GFRA1: variants seen among roughly 807,000 people sequenced by gnomAD.
The protein encoded by GFRA1 is GDNF family receptor alpha 1, also known as GDNF family receptor alpha-1.
A neutral mutation model predicts 51.6 loss-of-function variants in GFRA1; 16 were observed. The observed-to-expected ratio is 0.31, with a 90% CI of 0.21 to 0.47. GFRA1 has a LOEUF of 0.47. Among genes scored for constraint, GFRA1 ranks in the 20% least tolerant of loss-of-function variants. The pLI is 1.00. For synonymous variants in GFRA1, 270 were observed against 241.3 expected, an observed-to-expected ratio of 1.12 and a Z score of -1.10; for missense variants, 530 against 594.3, an observed-to-expected ratio of 0.89 and a Z score of 1.13.
chr10:116,108,181 T>C (rs1336944748), intron 6 of GFRA1, among the ~76,000 whole-genome samples: 1 of 152,196 alleles, frequency 6.6e-6, no homozygotes, highest in Non-Finnish European at 1.5e-5. Flanking sequence ...GCTTGCAGAC[T>C]TCCTAAGGAA....
At chr10:116,147,631 C>A (rs2134120839) in intron 5 of GFRA1, among the ~76,000 whole-genome samples, 1 of 152,306 alleles carries the variant, frequency 6.6e-6, no homozygotes, top group South Asian at 2.1e-4. Flanking sequence ...CTGCCATCCT[C>A]ACACAGAGCA....
chr10:116,064,326 T>C lies in GFRA1; in HGVS notation c.*72A>G, dbSNP rs1954989397. ...AGCTCCTAAACTGGAATTTCAGCTATACAAGAGAACAGGAAACAGATAACT... is the reference window on the plus strand; with the variant it reads ...AGCTCCTAAACTGGAATTTCAGCTACACAAGAGAACAGGAAACAGATAACT... On this transcript the variant is annotated 3_prime_UTR_variant, in exon 11 of 11. Transcript: ENST00000355422. 3 of 1,350,202 alleles carry C rather than the reference T, an allele frequency of 2.2e-6. No individual in the cohort carries two copies. The highest frequency in any genetic ancestry group is 2.4e-5 in the South Asian group (2 of 83,344). The allele number at this position is 1,350,202 out of a possible 1,614,324, so 83.6% of individuals were successfully genotyped here. A position where few individuals can be genotyped will look rare whatever the true frequency, so the allele number is the denominator to read the frequency against.
chr10:116,149,123 T>C (rs1396286147), intron 5 of GFRA1, among the ~76,000 whole-genome samples: 2 of 152,184 alleles, frequency 1.3e-5, no homozygotes, highest in Admixed American at 6.5e-5. Flanking sequence ...GCTTCCAGGA[T>C]GCTCCTGGAA....
chr10:116,249,549 T>C (rs1441311379), intron 4 of GFRA1, among the ~76,000 whole-genome samples: 1 of 152,142 alleles, frequency 6.6e-6, no homozygotes, highest in Non-Finnish European at 1.5e-5. Context: ...CTGTCCTTCA[T>C]GAAAGAAAGA....
At chr10:116,093,173 T>C (rs754305379) in intron 8 of GFRA1, among the ~76,000 whole-genome samples, 2 of 152,156 alleles carry the variant, frequency 1.3e-5, no homozygotes, top group African/African-American at 4.8e-5. Context: ...CCCTCAAGAA[T>C]TGTTGCTTCT....
intron 4 of GFRA1, among the ~76,000 whole-genome samples, chr10:116,250,402 C>A (rs979925641): frequency 6.6e-6 from 1 of 152,152 alleles, no homozygotes; most frequent in African/African-American, 2.4e-5. Flanking sequence ...TGTTATCCAT[C>A]CATCAAGTAA....
intron 5 of GFRA1, among the ~76,000 whole-genome samples, chr10:116,144,239 G>A (rs1249962302): frequency 6.6e-6 from 1 of 152,022 alleles, no homozygotes; most frequent in Non-Finnish European, 1.5e-5. Context: ...AAAAGCACAG[G>A]ATAACACAAT....
chr10:116,206,004 G>A (rs916309750), intron 5 of GFRA1, among the ~76,000 whole-genome samples: 1 of 148,548 alleles, frequency 6.7e-6, no homozygotes, highest in Admixed American at 6.7e-5. Flanking sequence ...TGGTAATGTT[G>A]TTCTGTTTGT....
At chr10:116,068,975 A>G (rs3781504) in intron 9 of GFRA1, among the ~76,000 whole-genome samples, 40,267 of 152,064 alleles carry the variant, frequency 0.26, 6,473 homozygotes, top group African/African-American at 0.46. Flanking sequence ...ATTAGAAACT[A>G]GAAAAGCACC....
At chr10:116,245,435 C>G (rs1165906003) in intron 4 of GFRA1, among the ~76,000 whole-genome samples, 1 of 152,200 alleles carries the variant, frequency 6.6e-6, no homozygotes, top group African/African-American at 2.4e-5. Context: ...CCACCAAATG[C>G]TGATGAGGGC....
chr10:116,081,500 T>C (rs1955849325), intron 9 of GFRA1, among the ~76,000 whole-genome samples: 1 of 152,186 alleles, frequency 6.6e-6, no homozygotes, highest in African/African-American at 2.4e-5. Context: ...TGTAGCCATT[T>C]ATAATGGGGG....
At chr10:116,174,812 A>G (rs1961418962) in intron 5 of GFRA1, among the ~76,000 whole-genome samples, 3 of 152,236 alleles carry the variant, frequency 2.0e-5, no homozygotes, top group African/African-American at 7.2e-5. Flanking sequence ...TAACATTTTA[A>G]TAAGCTTTAA....
intron 4 of GFRA1, among the ~76,000 whole-genome samples, chr10:116,242,702 G>C (rs1967504599): frequency 6.6e-6 from 1 of 151,952 alleles, no homozygotes; most frequent in Admixed American, 6.6e-5. Flanking sequence ...GGCTGGTCTT[G>C]AACTCCTGAC....
chr10:116,238,943 T>G (rs973434456), intron 4 of GFRA1, among the ~76,000 whole-genome samples: 1 of 152,190 alleles, frequency 6.6e-6, no homozygotes, highest in African/African-American at 2.4e-5. Context: ...ATGTTTATTT[T>G]TCAGTTCCCT....
chr10:116,215,611 G>A (rs1253825982), intron 4 of GFRA1, among the ~76,000 whole-genome samples: 3 of 152,198 alleles, frequency 2.0e-5, no homozygotes, highest in Non-Finnish European at 4.4e-5. Context: ...TCCATCGGTT[G>A]CTGTGGGGAA....
chr10:116,198,043 G>A (rs1964031631), intron 5 of GFRA1, among the ~76,000 whole-genome samples: 1 of 152,296 alleles, frequency 6.6e-6, no homozygotes, highest in Admixed American at 6.5e-5. Context: ...GAACTAGGAT[G>A]CATTAACTCC....
At chr10:116,188,320 T>A (rs1177922561) in intron 5 of GFRA1, among the ~76,000 whole-genome samples, 1 of 152,150 alleles carries the variant, frequency 6.6e-6, no homozygotes, top group Non-Finnish European at 1.5e-5. Context: ...CTGTGATAAA[T>A]CTGTCTTAAA....
At chr10:116,177,722 A>G (rs556881477) in intron 5 of GFRA1, among the ~76,000 whole-genome samples, 9 of 152,266 alleles carry the variant, frequency 5.9e-5, no homozygotes, top group Non-Finnish European at 1.2e-4. Flanking sequence ...CTTCCTGAAT[A>G]TCTGAGAAAT....
At chr10:116,149,748 A>G (rs1958987726) in intron 5 of GFRA1, among the ~76,000 whole-genome samples, 1 of 152,204 alleles carries the variant, frequency 6.6e-6, no homozygotes, top group African/African-American at 2.4e-5. Context: ...CATTTTAGTT[A>G]TATAAAAACA....
Sources: allele counts gnomAD v4.1 joint callset (sites outside exome capture counted in the v4.1 genomes callset), GRCh38; gene constraint gnomAD v4.1.1; transcripts MANE v1.5; gene names NCBI Gene and HGNC (gene_info 2026-07-23, HGNC 2026-07-21).